REDIC1: variants seen among roughly 807,000 people sequenced by gnomAD.
The protein encoded by REDIC1 is regulator of DNA class I crossover intermediates 1.
chr12:39,748,095 A>G, the REDIC1 span, among the ~76,000 whole-genome samples: 1 of 150,686 alleles, frequency 6.6e-6, no homozygotes, highest in African/African-American at 2.4e-5. Context: ...CTTAAATGTA[A>G]ATGGGCTAAA....
chr12:39,764,877 T>A, the REDIC1 span: 1 of 1,608,860 alleles, frequency 6.2e-7, no homozygotes, highest in African/African-American at 1.3e-5. Context: ...TAATGCAATA[T>A]AAGTATTAAC....
chr12:39,732,353 T>C, the REDIC1 span, among the ~76,000 whole-genome samples: 1 of 152,348 alleles, frequency 6.6e-6, no homozygotes, highest in South Asian at 2.1e-4. Context: ...TATCCAGAGG[T>C]TTGATCAAAC....
At chr12:39,634,345 GT>G in the REDIC1 span, among the ~76,000 whole-genome samples, 1 of 152,082 alleles carries the variant, frequency 6.6e-6, no homozygotes, top group Non-Finnish European at 1.5e-5. Context: ...AGACGATTGG[GT>G]TTTCAGCTGG....
chr12:39,871,375 G>C, the REDIC1 span, among the ~76,000 whole-genome samples: 1 of 78,334 alleles, frequency 1.3e-5, no homozygotes, highest in Admixed American at 1.7e-4. Context: ...ACTGCTGAAA[G>C]AGCTTTGAAA....
At chr12:39,637,511 G>A in the REDIC1 span, among the ~76,000 whole-genome samples, 15 of 152,086 alleles carry the variant, frequency 9.9e-5, no homozygotes, top group South Asian at 3.1e-3. Flanking sequence ...TACATAAGTC[G>A]AAGAATGTAA....
the REDIC1 span, among the ~76,000 whole-genome samples, chr12:39,887,176 AT>A: frequency 3.3e-5 from 5 of 152,222 alleles, no homozygotes; most frequent in Admixed American, 3.3e-4. Context: ...AAGTATTTTC[AT>A]TTTTGATAAA....
At chr12:39,696,552 A>AAT in the REDIC1 span, among the ~76,000 whole-genome samples, 1 of 123,882 alleles carries the variant, frequency 8.1e-6, no homozygotes, top group East Asian at 2.1e-4. Context: ...CAAAAAAAAA[A>AAT]AAAAAAAAAA....
the REDIC1 span, among the ~76,000 whole-genome samples, chr12:39,821,242 T>A: frequency 1.3e-5 from 2 of 151,960 alleles, no homozygotes; most frequent in Admixed American, 6.6e-5. Context: ...TGAAACCCCA[T>A]CTCTACTAAA....
chr12:39,747,685 G>T, the REDIC1 span, among the ~76,000 whole-genome samples: 7 of 152,278 alleles, frequency 4.6e-5, no homozygotes, highest in African/African-American at 1.7e-4. Flanking sequence ...GAGAAAGGTT[G>T]GGTTACCCAC....
the REDIC1 span, among the ~76,000 whole-genome samples, chr12:39,712,981 ACATG>A: frequency 5.0e-5 from 1 of 20,150 alleles, no homozygotes; most frequent in South Asian, 1.5e-3. Context: ...ATGTATATAT[ACATG>A]TGTATATACG....
At chr12:39,702,915 G>T in the REDIC1 span, among the ~76,000 whole-genome samples, 60 of 152,158 alleles carry the variant, frequency 3.9e-4, no homozygotes, top group African/African-American at 1.4e-3. Context: ...AATAAATTAG[G>T]TATTGATGGG....
the REDIC1 span, chr12:39,716,910 T>G: frequency 9.3e-7 from 1 of 1,069,788 alleles, no homozygotes; most frequent in South Asian, 2.2e-5. Context: ...TAGTTTACCT[T>G]TACCCTATAA....
the REDIC1 span, among the ~76,000 whole-genome samples, chr12:39,642,223 G>T: frequency 6.6e-6 from 1 of 151,922 alleles, no homozygotes; most frequent in East Asian, 1.9e-4. Context: ...TCTTGGAACA[G>T]ATATTAGAGG....
chr12:39,695,133 C>A, the REDIC1 span, among the ~76,000 whole-genome samples: 1 of 152,162 alleles, frequency 6.6e-6, no homozygotes, highest in Non-Finnish European at 1.5e-5. Context: ...TTGGGTGAGA[C>A]TCTGATACTT....
At chr12:39,864,948 G>A in the REDIC1 span, 33 of 1,414,420 alleles carry the variant, frequency 2.3e-5, no homozygotes, top group South Asian at 1.4e-4. Context: ...GACTGGGTTT[G>A]GTAAAAACAA....
chr12:39,665,145 C>T, the REDIC1 span, among the ~76,000 whole-genome samples: 1 of 151,942 alleles, frequency 6.6e-6, no homozygotes, highest in Non-Finnish European at 1.5e-5. Context: ...GAAGTCCTTG[C>T]CCATGCCTAT....
At chr12:39,888,482 CCCAA>C in the REDIC1 span, among the ~76,000 whole-genome samples, 1 of 152,234 alleles carries the variant, frequency 6.6e-6, no homozygotes, top group Non-Finnish European at 1.5e-5. Context: ...TCCTCGGCCT[CCCAA>C]AGTGTTGGGA....
chr12:39,672,198 G>A, the REDIC1 span, among the ~76,000 whole-genome samples: 1 of 152,152 alleles, frequency 6.6e-6, no homozygotes, highest in Non-Finnish European at 1.5e-5. Context: ...CATCATGCTT[G>A]GACTTGGCAG....
chr12:39,744,407 C>CG, the REDIC1 span, among the ~76,000 whole-genome samples: 1 of 151,980 alleles, frequency 6.6e-6, no homozygotes, highest in African/African-American at 2.4e-5. Context: ...ATGGAATAAG[C>CG]GAAGATAAGT....
Sources: allele counts gnomAD v4.1 joint callset (sites outside exome capture counted in the v4.1 genomes callset), GRCh38; gene constraint gnomAD v4.1.1; transcripts MANE v1.5; gene names NCBI Gene and HGNC (gene_info 2026-07-23, HGNC 2026-07-21).